The following CEACAM20 variants were observed in gnomAD, a reference collection of about 807,000 sequenced individuals.
CEACAM20 encodes CEA cell adhesion molecule 20.
In CEACAM20, 50 loss-of-function variants were observed where a neutral mutation model predicts 61.2. That is an observed-to-expected ratio of 0.82 (90% CI 0.65 to 1.03). The LOEUF (loss-of-function observed/expected upper bound fraction) is 1.03, where lower values mean the gene tolerates loss of function less well. Ranked by LOEUF, CEACAM20 falls within the 50% of genes least tolerant of loss-of-function variation. The pLI is 0.00. For missense variants in CEACAM20, 683 were observed against 736.4 expected, an observed-to-expected ratio of 0.93 and a Z score of 0.84; for synonymous variants, 282 against 287.7, an observed-to-expected ratio of 0.98 and a Z score of 0.20.
At chr19:44,524,385 G>T in intron 2 of CEACAM20, 124 bp from the exon 3 acceptor site, 1 of 1,051,386 alleles carries the variant, frequency 9.5e-7, no homozygotes, top group Non-Finnish European at 1.4e-6. Context: ...CTCTGGAGTT[G>T]GATGCCTGGG....
chr19:44,519,350 G>A (rs1971285375), intron 5 of CEACAM20, among the ~76,000 whole-genome samples: 1 of 152,206 alleles, frequency 6.6e-6, no homozygotes, highest in Non-Finnish European at 1.5e-5. Context: ...TTAGCACAGA[G>A]AGAGCACAAA....
chr19:44,513,067 C>T, intron 7 of CEACAM20, 105 bp downstream of exon 7: 1 of 1,302,004 alleles, frequency 7.7e-7, no homozygotes, highest in East Asian at 2.5e-5. Context: ...CTGAATTCCC[C>T]AGGTGCCAGA....
intron 6 of CEACAM20, 104 bp downstream of exon 6, chr19:44,516,842 A>T (rs1351650683): frequency 1.6e-6 from 2 of 1,282,648 alleles, no homozygotes; most frequent in African/African-American, 3.0e-5. Flanking sequence ...GGCAGTGTGG[A>T]GACTGCCACA....
Position 44,524,036 on chromosome 19 carries a change from C to G in CEACAM20, c.422G>C (p.Arg141Pro). ...EDSGTYQCEA[R>P]DALLSQRSDP... ...GCTCCTCTGGCTCAGAAGGGCATCT[C>G]GAGCTTCACATTGGTAAGTCCCTGA... The change falls in exon 3 of 12, where the codon CGA (arginine) becomes CCA (proline). Residue 141 changes from arginine to proline, a missense_variant. Coordinates refer to ENST00000614924, the MANE Select transcript of CEACAM20 (RefSeq NM_001102597.3). 1 of 1,557,608 alleles carries G rather than the reference C, an allele frequency of 6.4e-7. No individual in the cohort carries two copies. The highest frequency in any genetic ancestry group is 1.2e-5 in the South Asian group (1 of 84,526).
At chr19:44,518,606 G>A (rs1338031931) in intron 5 of CEACAM20, among the ~76,000 whole-genome samples, 1 of 151,986 alleles carries the variant, frequency 6.6e-6, no homozygotes, top group African/African-American at 2.4e-5. Context: ...GAGTTTAAGA[G>A]TCATACTTTA....
chr19:44,520,739 C>A lies in CEACAM20; in HGVS notation c.765G>T (p.Met255Ile). The change falls in exon 5 of 12, where the codon ATG (methionine) becomes ATT (isoleucine). Residue 255 changes from methionine to isoleucine, a missense_variant. Coordinates refer to ENST00000614924, the MANE Select transcript of CEACAM20 (RefSeq NM_001102597.3). ...LKVRVLETLT[M>I]PQVVPSSLNL... is the part of the protein sequence containing the mutation. Reference sequence around the variant, plus strand: ...TCAGGCTTGAAGGCACGACTTGAGGCATGGTCAGTGTTTCTGGAAACACGT... The same window carrying A: ...TCAGGCTTGAAGGCACGACTTGAGGAATGGTCAGTGTTTCTGGAAACACGT... The A allele has an allele frequency of 6.2e-7, 1 of 1,612,878 alleles. No homozygotes were observed. Among genetic ancestry groups the A allele is most frequent in the Non-Finnish European group, 8.5e-7 (1 of 1,179,216 alleles).
In CEACAM20 at chr19:44,513,212, A is replaced by C; in HGVS notation, c.1387T>G (p.Ser463Ala). Residue 463 changes from serine to alanine, a missense_variant, in exon 7 of 12, where the codon TCA (serine) becomes GCA (alanine). Coordinates refer to ENST00000614924, the MANE Select transcript of CEACAM20 (RefSeq NM_001102597.3). ...ATGCAGAGAAAATAGCCCAGTTCTG[A>C]GGCCACAGCAATGACAGCCAGGATC... ...IGILAVIAVA[S>A]ELGYFLCIRN... The C allele has an allele frequency of 6.2e-7, 1 of 1,613,716 alleles. No individual in the cohort carries two copies. The highest frequency in any genetic ancestry group is 2.2e-5 in the East Asian group (1 of 44,842).
chr19:44,511,296 G>A, intron 10 of CEACAM20, 141 bp from the exon 11 acceptor site: 1 of 1,239,920 alleles, frequency 8.1e-7, no homozygotes, highest in African/African-American at 1.5e-5. Flanking sequence ...AGCAGGGTTA[G>A]AACCCAGGCC....
chr19:44,509,825 A>G (rs1157077353), intron 11 of CEACAM20, among the ~76,000 whole-genome samples: 2 of 152,218 alleles, frequency 1.3e-5, no homozygotes, highest in Non-Finnish European at 2.9e-5. Context: ...GAAAAGAAAT[A>G]TAAAGAATAA....
At chr19:44,512,141 T>A (rs1467739805) in intron 8 of CEACAM20, 63 bp from the exon 9 acceptor site, 1 of 1,282,192 alleles carries the variant, frequency 7.8e-7, no homozygotes, top group African/African-American at 1.5e-5. Flanking sequence ...AAGGGGCTGT[T>A]TTTCCAGGAC....
Position 44,524,150 on chromosome 19 carries a change from G to C in CEACAM20, c.308C>G (p.Ser103Cys). Residue 103 changes from serine (S) to cysteine (C), a missense_variant, in exon 3 of 12, where the codon TCC becomes TGC. Transcript: ENST00000614924. Reference protein sequence around the residue: ...KDVNITIHWVSNNLSIVFHER... With the variant: ...KDVNITIHWVCNNLSIVFHER... The stretch of plus-strand genomic sequence containing the variant: ...ATGGAACACAATGGAGAGGTTGTTG[G>C]AAACCCAGTGGATGGTAATGTTGAC... 6.2e-7 allele frequency: 1 copy of C among 1,613,812 alleles called. No individual in the cohort carries two copies. The highest frequency in any genetic ancestry group is 1.3e-5 in the African/African-American group (1 of 75,056).
intron 1 of CEACAM20, among the ~76,000 whole-genome samples, chr19:44,526,764 C>T (rs1971541763): frequency 6.6e-6 from 1 of 151,216 alleles, no homozygotes; most frequent in African/African-American, 2.4e-5. Flanking sequence ...ACCTCAGCTA[C>T]TTGGGAGGCT....
At chr19:44,511,226 T>G in intron 10 of CEACAM20, 71 bp from the exon 11 acceptor site, 22 of 1,569,156 alleles carry the variant, frequency 1.4e-5, no homozygotes, top group Non-Finnish European at 1.8e-5. Context: ...ACTTACACTC[T>G]TCAGGGACCG....
At chr19:44,526,717 T>C (rs1348861923) in intron 1 of CEACAM20, among the ~76,000 whole-genome samples, 1 of 151,520 alleles carries the variant, frequency 6.6e-6, no homozygotes, top group Non-Finnish European at 1.5e-5. Context: ...TACAAAAAAA[T>C]ACAAAAATTA....
At position 44,511,163 on chromosome 19, in the gene CEACAM20, T is replaced by A. The variant is rs183097658; in HGVS notation, c.1612-8A>T. On this transcript the variant is annotated splice_polypyrimidine_tract_variant and splice_region_variant and intron_variant, in intron 10 of 11. Transcript: ENST00000614924. Reference sequence around the variant, plus strand: ...TGCTGAAGGCAGCTTCGTCTGCAAGTAAGCAGAGAAATTAGGCAGGGCCCA... The same window carrying A: ...TGCTGAAGGCAGCTTCGTCTGCAAGAAAGCAGAGAAATTAGGCAGGGCCCA... The A allele has an allele frequency of 6.2e-7, 1 of 1,613,302 alleles. No individual in the cohort carries two copies. The highest frequency in any genetic ancestry group is 1.3e-5 in the African/African-American group (1 of 74,978).
chr19:44,524,037 G>C lies in CEACAM20; in HGVS notation c.421C>G (p.Arg141Gly), dbSNP rs530899810. ...CTCCTCTGGCTCAGAAGGGCATCTC[G>C]AGCTTCACATTGGTAAGTCCCTGAG... ...EDSGTYQCEA[R>G]DALLSQRSDP... The change falls in exon 3 of 12, where the codon CGA (arginine) becomes GGA (glycine). Residue 141 changes from arginine to glycine, a missense_variant. By Grantham distance (125) the Arg-to-Gly change is moderately radical (BLOSUM62 -2). Transcript: ENST00000614924. The C allele has an allele frequency of 6.4e-7, 1 of 1,558,364 alleles. No homozygotes were observed. The highest frequency in any genetic ancestry group is 2.0e-5 in the Admixed American group (1 of 51,140).
At chr19:44,509,151 T>C (rs1253488259) in intron 11 of CEACAM20, among the ~76,000 whole-genome samples, 1 of 151,818 alleles carries the variant, frequency 6.6e-6, no homozygotes, top group African/African-American at 2.4e-5. Flanking sequence ...TGAAATAAAA[T>C]GGCATGATGT....
Position 44,511,083 on chromosome 19 carries a change from G to A in CEACAM20, c.1684C>T (p.Pro562Ser). 1 of 1,613,928 alleles carries A rather than the reference G, an allele frequency of 6.2e-7. No homozygotes were observed. Among genetic ancestry groups the A allele is most frequent in the Admixed American group, 1.7e-5 (1 of 60,008 alleles). The change falls in exon 11 of 12, where the codon CCC becomes TCC. Residue 562 changes from proline to serine, a missense_variant. Pro to Ser is a moderately conservative substitution (Grantham distance 74). Coordinates refer to ENST00000614924, the MANE Select transcript of CEACAM20 (RefSeq NM_001102597.3). ...ACAGTGGAGACCAATCTGAGTGGGG[G>A]CATCAGAGGTTTGGGTGGTGGCTTC... is the stretch of plus-strand genomic sequence containing the variant. The part of the protein sequence containing the change: ...PWKPPPKPLM[P>S]PLRLVSTVPK...
chr19:44,513,266 A>G lies in CEACAM20; in HGVS notation c.1333T>C (p.Ser445Pro), dbSNP rs1280981533. The part of the protein sequence containing the change: ...VVGPQSSSLS[S>P]GAIAGIVIGI... ...ATGACAATACCAGCGATGGCCCCTG[A>G]GGACAGGGAGGAGGACTGGGGACCT... The change falls in exon 7 of 12, where the codon TCA becomes CCA. Residue 445 changes from serine to proline, a missense_variant. Ser to Pro is a moderately conservative substitution (Grantham distance 74, BLOSUM62 -1). Coordinates refer to ENST00000614924, the MANE Select transcript of CEACAM20 (RefSeq NM_001102597.3). 6.2e-7 allele frequency: 1 copy of G among 1,613,628 alleles called. No individual in the cohort carries two copies. The highest frequency in any genetic ancestry group is 1.3e-5 in the African/African-American group (1 of 74,896).
Sources: gnomAD v4.1 joint callset for allele counts (sites outside exome capture counted in the v4.1 genomes callset) on GRCh38, gnomAD v4.1.1 for gene constraint, MANE v1.5 for transcripts, NCBI Gene and HGNC (gene_info 2026-07-23, HGNC 2026-07-21) for gene names.